Variants in SHCBP1L observed in about 807,000 individuals in gnomAD.
SHCBP1L encodes the protein SHC binding and spindle associated 1 like.
Under a neutral mutation model 62.5 loss-of-function variants are expected in SHCBP1L, and 67 were observed. The ratio of observed to expected loss-of-function variants is 1.07; its 90% CI spans 0.88 to 1.31. The LOEUF (loss-of-function observed/expected upper bound fraction) is 1.31. Among genes scored for constraint, SHCBP1L ranks in the 40% most tolerant of loss-of-function variants. The probability of loss-of-function intolerance (pLI) is 0.00; values close to 1 mark genes in which losing one functional copy is unlikely to be tolerated. For synonymous variants in SHCBP1L, 284 were observed against 289.4 expected (o/e 0.98, Z 0.19); for missense variants, 823 against 809.8 (o/e 1.02, Z -0.20).
chr1:182,917,752 G>T (rs1403218573), intron 6 of SHCBP1L, among the ~76,000 whole-genome samples: 1 of 152,068 alleles, frequency 6.6e-6, no homozygotes, highest in Non-Finnish European at 1.5e-5. Context: ...GACTGGAGGA[G>T]GGCCAACCCT....
rs1432072996 is a variant in SHCBP1L, at chr1:182,903,132, G to T, written c.1617C>A (p.Ser539Arg). The T allele has an allele frequency of 1.7e-5, 27 of 1,600,070 alleles. No individual in the cohort carries two copies. Among genetic ancestry groups the T allele is most frequent in the Non-Finnish European group, 2.2e-5 (26 of 1,172,854 alleles). The change falls in exon 9 of 10, where the codon AGC becomes AGA. Residue 539 changes from serine to arginine, a missense_variant. Transcript: ENST00000367547. ...QGAGVELYPGSIAILERNEIH... is the reference protein window; with the variant it reads ...QGAGVELYPGRIAILERNEIH... ...TTTCATTTCTTTCCAAAATAGCTAT[G>T]CTTCCAGGATACAGTTCAACACCAG...
Position 182,909,255 on chromosome 1 carries a change from C to T in SHCBP1L, c.1183-3606G>A, listed in dbSNP as rs139230936. Among the ~76,000 whole-genome samples the T allele has an allele frequency of 1.2e-3, 182 of 152,144 alleles. 3 individuals carry two copies. The highest frequency in any genetic ancestry group is 3.9e-3 in the African/African-American group (162 of 41,478). On this transcript the variant is annotated intron_variant, in intron 6 of 9. Coordinates refer to ENST00000367547, the MANE Select transcript of SHCBP1L (RefSeq NM_030933.4). ...AGTGGAGTCACTAGATAGAGGTATCCAGCAGACTATGGATATAAGGGTCTA... is the reference window on the plus strand; with the variant it reads ...AGTGGAGTCACTAGATAGAGGTATCTAGCAGACTATGGATATAAGGGTCTA...
chr1:182,938,961 T>A (rs957785204), intron 5 of SHCBP1L, among the ~76,000 whole-genome samples: 2 of 152,172 alleles, frequency 1.3e-5, no homozygotes, highest in Non-Finnish European at 2.9e-5. Context: ...AGAAATGGAT[T>A]AATGAGTTCT....
intron 2 of SHCBP1L, among the ~76,000 whole-genome samples, chr1:182,941,887 C>T (rs1651379643): frequency 6.6e-6 from 1 of 152,082 alleles, no homozygotes; most frequent in African/African-American, 2.4e-5. Flanking sequence ...ACACTATTTT[C>T]TGGTTGTACC....
At chr1:182,942,383 C>G (rs1357019250) in intron 2 of SHCBP1L, 3 of 742,520 alleles carry the variant, frequency 4.0e-6, no homozygotes, top group African/African-American at 3.5e-5. Context: ...TTCGGCGGAG[C>G]TGACCTTCCT....
At chr1:182,929,039 G>A (rs901929207) in intron 6 of SHCBP1L, among the ~76,000 whole-genome samples, 1 of 152,038 alleles carries the variant, frequency 6.6e-6, no homozygotes. Flanking sequence ...CATAAAACAA[G>A]GAAAGAGATT....
chr1:182,952,069 A>C (rs1346990209), intron 1 of SHCBP1L: 1 of 148,176 alleles, frequency 6.7e-6, no homozygotes, highest in African/African-American at 2.6e-5. Context: ...AGGCAGGAGA[A>C]TTGCTTGCAC....
chr1:182,942,609 C>A (rs2101954573), intron 2 of SHCBP1L, among the ~76,000 whole-genome samples: 1 of 152,296 alleles, frequency 6.6e-6, no homozygotes, highest in Non-Finnish European at 1.5e-5. Flanking sequence ...TATAGTGATA[C>A]TTCCCTGCAC....
At chr1:182,922,183 A>C (rs1650548053) in intron 6 of SHCBP1L, among the ~76,000 whole-genome samples, 1 of 152,218 alleles carries the variant, frequency 6.6e-6, no homozygotes, top group South Asian at 2.1e-4. Flanking sequence ...AGACTTAGAT[A>C]ACCACACAAC....
intron 5 of SHCBP1L, among the ~76,000 whole-genome samples, chr1:182,934,451 G>A (rs1042830326): frequency 2.0e-5 from 3 of 152,122 alleles, no homozygotes; most frequent in Admixed American, 6.5e-5. Flanking sequence ...ATGAGGTTGA[G>A]CATCTCTTTA....
At chr1:182,926,222 CA>C (rs1004230838) in intron 6 of SHCBP1L, among the ~76,000 whole-genome samples, 1 of 151,348 alleles carries the variant, frequency 6.6e-6, no homozygotes, top group Non-Finnish European at 1.5e-5. Flanking sequence ...AAAAAGATAC[CA>C]AAAAAAAGAA....
chr1:182,942,268 A>T, intron 2 of SHCBP1L: 1 of 1,319,664 alleles, frequency 7.6e-7, no homozygotes, highest in South Asian at 1.2e-5. Flanking sequence ...TTTTGTCTGA[A>T]GATTTATCCT....
rs71127328 is a variant in SHCBP1L at position 182,930,727 on chromosome 1, ATTTTTT to A, written c.1077-981_1077-976del. ...TGTATATATATATATATATATATGT[ATTTTTT>A]TTTTTTTTTTTTTTTTTTATTAAAG... On this transcript the variant is annotated intron_variant, in intron 5 of 9. Coordinates refer to ENST00000367547, the MANE Select transcript of SHCBP1L (RefSeq NM_030933.4). Among the ~76,000 whole-genome samples the A allele has an allele frequency of 6.2e-4, 13 of 20,940 alleles. 1 individual carries two copies. Among genetic ancestry groups the A allele is most frequent in the Admixed American group, 5.9e-3 (6 of 1,012 alleles). 13.7% of individuals were successfully genotyped at this position (20,940 alleles called of 152,430 possible). A position where few individuals can be genotyped will look rare whatever the true frequency, so the allele number is the denominator to read the frequency against.
chr1:182,905,282 AAGAT>A (rs1312483434), intron 7 of SHCBP1L, among the ~76,000 whole-genome samples: 1 of 152,214 alleles, frequency 6.6e-6, no homozygotes, highest in Non-Finnish European at 1.5e-5. Flanking sequence ...AAAAGCAGTA[AAGAT>A]AGATAAGAAA....
intron 6 of SHCBP1L, among the ~76,000 whole-genome samples, chr1:182,907,177 A>G (rs1287905765): frequency 6.6e-6 from 1 of 151,932 alleles, no homozygotes; most frequent in East Asian, 2.0e-4. Flanking sequence ...TCACACCTGT[A>G]ATCCCAGCAT....
chr1:182,907,985 A>C (rs1650068550), intron 6 of SHCBP1L, among the ~76,000 whole-genome samples: 1 of 152,262 alleles, frequency 6.6e-6, no homozygotes, highest in Admixed American at 6.5e-5. Context: ...ACCTTCATTT[A>C]TATAGATATT....
chr1:182,952,262 TTA>T (rs1381868975), intron 1 of SHCBP1L, among the ~76,000 whole-genome samples: 4 of 88,938 alleles, frequency 4.5e-5, no homozygotes, highest in East Asian at 3.7e-4. Flanking sequence ...ACACACACAT[TTA>T]TATATATATA....
intron 6 of SHCBP1L, among the ~76,000 whole-genome samples, chr1:182,910,345 C>A (rs1035903698): frequency 2.2e-4 from 33 of 152,252 alleles, no homozygotes; most frequent in Non-Finnish European, 2.4e-4. Context: ...TGGCAGCCCA[C>A]ATTCCTGGTG....
At chr1:182,943,520 C>G (rs1453792880) in intron 2 of SHCBP1L, among the ~76,000 whole-genome samples, 1 of 151,022 alleles carries the variant, frequency 6.6e-6, no homozygotes, top group African/African-American at 2.4e-5. Context: ...AATCTCAGCT[C>G]ACTGCAACCT....
Sources: allele counts gnomAD v4.1 joint callset (sites outside exome capture counted in the v4.1 genomes callset), GRCh38; gene constraint gnomAD v4.1.1; transcripts MANE v1.5; gene names NCBI Gene and HGNC (gene_info 2026-07-23, HGNC 2026-07-21).